ADRA1B: variants seen among roughly 807,000 people sequenced by gnomAD.
ADRA1B encodes alpha-1B adrenergic receptor.
In ADRA1B, 17 loss-of-function variants were observed where a neutral mutation model predicts 17.9. The observed-to-expected ratio is 0.95, with a 90% CI of 0.65 to 1.42. ADRA1B has a LOEUF of 1.42. Ranked by LOEUF, ADRA1B falls within the 40% of genes most tolerant of loss-of-function variation. ADRA1B has a pLI of 0.00. For missense variants in ADRA1B, 681 were observed against 722.1 expected, an observed-to-expected ratio of 0.94 and a Z score of 0.65; for synonymous variants, 366 against 327.6, an observed-to-expected ratio of 1.12 and a Z score of -1.27.
intron 1 of ADRA1B, among the ~76,000 whole-genome samples, chr5:159,891,382 A>C: frequency 6.6e-6 from 1 of 152,056 alleles, no homozygotes. Flanking sequence ...CTCAATTTCC[A>C]CCTACTTCAA....
chr5:159,939,618 C>T (rs1755070272), intron 1 of ADRA1B, among the ~76,000 whole-genome samples: 1 of 151,996 alleles, frequency 6.6e-6, no homozygotes, highest in African/African-American at 2.4e-5. Context: ...TAAGTTCTCT[C>T]AGCTCTCATT....
chr5:159,865,370 GAAAA>G (rs879711820), intron 1 of ADRA1B, among the ~76,000 whole-genome samples: 1 of 146,564 alleles, frequency 6.8e-6, no homozygotes, highest in Non-Finnish European at 1.5e-5. Flanking sequence ...GTGCTTTGGG[GAAAA>G]AAAAAACAAC....
chr5:159,978,644 C>T, the ADRA1B span, among the ~76,000 whole-genome samples: 3 of 152,216 alleles, frequency 2.0e-5, no homozygotes, highest in Non-Finnish European at 4.4e-5. Context: ...GCACAGTCCT[C>T]AGATAAGCTA....
intron 1 of ADRA1B, among the ~76,000 whole-genome samples, chr5:159,910,488 T>G (rs1362572478): frequency 2.0e-5 from 3 of 152,236 alleles, no homozygotes; most frequent in Non-Finnish European, 4.4e-5. Context: ...CTGGGCCTTC[T>G]GTGTTCTCAT....
At chr5:159,947,117 G>T (rs1755295031) in intron 1 of ADRA1B, among the ~76,000 whole-genome samples, 1 of 152,306 alleles carries the variant, frequency 6.6e-6, no homozygotes, top group South Asian at 2.1e-4. Context: ...GAGGTGGGCA[G>T]ATCACCTGAG....
chr5:159,890,700 A>G (rs1161487860), intron 1 of ADRA1B, among the ~76,000 whole-genome samples: 2 of 152,240 alleles, frequency 1.3e-5, no homozygotes, highest in African/African-American at 4.8e-5. Context: ...AGAGCCAGAC[A>G]GAAGCTGTAT....
At chr5:159,907,134 T>G (rs1754170982) in intron 1 of ADRA1B, among the ~76,000 whole-genome samples, 1 of 152,232 alleles carries the variant, frequency 6.6e-6, no homozygotes, top group Admixed American at 6.5e-5. Context: ...TCCAAGGACC[T>G]GCCACTCCAC....
intron 1 of ADRA1B, among the ~76,000 whole-genome samples, chr5:159,902,419 G>A (rs1052040273): frequency 1.4e-4 from 22 of 152,006 alleles, no homozygotes; most frequent in Admixed American, 9.8e-4. Context: ...AGTCCATAGA[G>A]TTAACAATGC....
At chr5:159,932,203 G>A (rs1460308173) in intron 1 of ADRA1B, among the ~76,000 whole-genome samples, 2 of 151,848 alleles carry the variant, frequency 1.3e-5, no homozygotes, top group African/African-American at 2.4e-5. Context: ...ACCCAGGCTG[G>A]AGTGCAGTGG....
rs559884186 is a variant in ADRA1B at position 159,916,554 on chromosome 5, C to T, written c.-352C>T. 16 of 187,858 alleles carry T rather than the reference C, an allele frequency of 8.5e-5. No individual in the cohort carries two copies. Among genetic ancestry groups the T allele is most frequent in the African/African-American group, 3.7e-4 (16 of 42,800 alleles). 11.6% of individuals were successfully genotyped at this position (187,858 alleles called of 1,614,324 possible). A position where few individuals can be genotyped will look rare whatever the true frequency, so the allele number is the denominator to read the frequency against. On this transcript the variant is annotated 5_prime_UTR_variant, in exon 1 of 2. Transcript: ENST00000306675. ...GCTGGGCGGAGGACGCGCCGCGGTC[C>T]GCAGACCCGAGCGAGCTGGGCACCG... is the stretch of plus-strand genomic sequence containing the variant.
downstream of ADRA1B, among the ~76,000 whole-genome samples, chr5:159,977,204 A>G (rs932867727): frequency 3.9e-5 from 6 of 152,202 alleles, no homozygotes; most frequent in Admixed American, 1.3e-4. Context: ...GACACATGGA[A>G]CCCAGGTTAT....
intron 1 of ADRA1B, chr5:159,951,607 C>A (rs1366582343): frequency 1.9e-5 from 8 of 413,072 alleles, no homozygotes; most frequent in Admixed American, 1.1e-4. Context: ...GATGGATAGA[C>A]GAGACCACTG....
the ADRA1B span, among the ~76,000 whole-genome samples, chr5:159,981,782 T>C: frequency 2.0e-5 from 3 of 152,286 alleles, no homozygotes; most frequent in East Asian, 1.9e-4. Context: ...AGACGTGAGC[T>C]ACCGCACCCA....
chr5:159,922,342 G>A (rs776237626), intron 1 of ADRA1B, among the ~76,000 whole-genome samples: 8 of 152,190 alleles, frequency 5.3e-5, no homozygotes, highest in Non-Finnish European at 8.8e-5. Context: ...CACACATCAA[G>A]TAAGTGATAG....
rs1396332617 is a variant in ADRA1B at position 159,920,316 on chromosome 5, TG to T, written c.949+2465del. On this transcript the variant is annotated intron_variant, in intron 1 of 1. Transcript: ENST00000306675. The stretch of plus-strand genomic sequence containing the variant: ...AGTGTGAGATGATGTGGCTTCTCTC[TG>T]GGTCTTGCTCTTCAAGTCATCAAGC... Among the ~76,000 whole-genome samples the T allele has an allele frequency of 2.0e-5, 3 of 152,306 alleles. No individual in the cohort carries two copies. The East Asian group carries it at 5.8e-4, about 29-fold the overall frequency.
chr5:159,950,398 AGTGTCATGGGGGACT>A, intron 1 of ADRA1B: 2 of 671,104 alleles, frequency 3.0e-6, no homozygotes, highest in Non-Finnish European at 5.4e-6. Context: ...GGAGAGTCTC[AGTGTCATGGGGGACT>A]GTGTGTGGCA....
intron 1 of ADRA1B, among the ~76,000 whole-genome samples, chr5:159,910,893 G>GT (rs1293392517): frequency 1.3e-5 from 2 of 152,022 alleles, no homozygotes; most frequent in Non-Finnish European, 2.9e-5. Flanking sequence ...CTGTTTTTTT[G>GT]TTTTGCTTTG....
intron 1 of ADRA1B, among the ~76,000 whole-genome samples, chr5:159,961,184 G>C (rs186380911): frequency 4.5e-4 from 68 of 152,280 alleles, no homozygotes; most frequent in Non-Finnish European, 8.4e-4. Flanking sequence ...ATTTTAATTA[G>C]AGTCCACCAC....
At chr5:159,889,267 AT>A (rs1343979079) in intron 1 of ADRA1B, among the ~76,000 whole-genome samples, 8 of 152,144 alleles carry the variant, frequency 5.3e-5, no homozygotes, top group African/African-American at 1.7e-4. Flanking sequence ...TATTTTCTAA[AT>A]GTAATATTCC....
Sources: gnomAD v4.1 joint callset for allele counts (sites outside exome capture counted in the v4.1 genomes callset) on GRCh38, gnomAD v4.1.1 for gene constraint, MANE v1.5 for transcripts, NCBI Gene and HGNC (gene_info 2026-07-23, HGNC 2026-07-21) for gene names.